LRFN2: variants seen among roughly 807,000 people sequenced by gnomAD.
LRFN2 encodes the protein leucine-rich repeat and fibronectin type-III domain-containing protein 2.
A neutral mutation model predicts 37.3 loss-of-function variants in LRFN2; 18 were observed. The ratio of observed to expected loss-of-function variants is 0.48; its 90% CI spans 0.33 to 0.72. The LOEUF is 0.72. Among genes scored for constraint, LRFN2 ranks in the 30% least tolerant of loss-of-function variants. The probability of loss-of-function intolerance (pLI) is 0.02; values close to 1 mark genes in which losing one functional copy is unlikely to be tolerated. For missense variants in LRFN2, 1,006 were observed against 1,060.7 expected (o/e 0.95, Z 0.72); for synonymous variants, 556 against 466.6 (o/e 1.19, Z -2.47).
At chr6:40,500,406 C>T (rs749391862) in intron 1 of LRFN2, among the ~76,000 whole-genome samples, 15 of 152,226 alleles carry the variant, frequency 9.9e-5, no homozygotes, top group Non-Finnish European at 2.2e-4. Flanking sequence ...CACTTCAGGC[C>T]GAGGGGCAGG....
chr6:40,484,951 T>C (rs1366563052), intron 1 of LRFN2, among the ~76,000 whole-genome samples: 4 of 151,934 alleles, frequency 2.6e-5, no homozygotes, highest in African/African-American at 9.7e-5. Flanking sequence ...GCAATGAGAG[T>C]TCAAATATAG....
intron 1 of LRFN2, among the ~76,000 whole-genome samples, chr6:40,550,641 A>G (rs1462646070): frequency 1.3e-5 from 2 of 151,508 alleles, no homozygotes; most frequent in Non-Finnish European, 3.0e-5. Flanking sequence ...TGGCTTTCCA[A>G]TTTTACTATT....
chr6:40,524,796 A>G (rs1324039190), intron 1 of LRFN2, among the ~76,000 whole-genome samples: 3 of 151,982 alleles, frequency 2.0e-5, no homozygotes, highest in Non-Finnish European at 4.4e-5. Flanking sequence ...AATAGTAACA[A>G]CTCATTCTTA....
intron 2 of LRFN2, among the ~76,000 whole-genome samples, chr6:40,398,490 C>T (rs1462165779): frequency 1.3e-5 from 2 of 151,688 alleles, no homozygotes; most frequent in African/African-American, 4.8e-5. Context: ...TTCCAGAGTG[C>T]AGGGCAAGGC....
intron 1 of LRFN2, among the ~76,000 whole-genome samples, chr6:40,546,306 C>T (rs2113919366): frequency 6.6e-6 from 1 of 152,272 alleles, no homozygotes; most frequent in African/African-American, 2.4e-5. Flanking sequence ...CTGGCATGTT[C>T]CAAAAGTTTG....
In LRFN2 at chr6:40,420,671, C is replaced by T. The variant is rs146438270; in HGVS notation, c.1400+11043G>A. ...ATTTTATCTAATGGGGAGCAACATG[C>T]GTGAACAGACAATCGCCTTCCTCAG... is the stretch of plus-strand genomic sequence containing the variant. On this transcript the variant is annotated intron_variant, in intron 2 of 2. Transcript: ENST00000338305. Among the ~76,000 whole-genome samples the T allele has an allele frequency of 1.0e-3, 158 of 152,360 alleles. 5 individuals are homozygous for T. In the East Asian group the frequency reaches 0.026, roughly 25 times the overall value.
chr6:40,516,476 A>T (rs2113893720), intron 1 of LRFN2: 1 of 152,384 alleles, frequency 6.6e-6, no homozygotes, highest in Admixed American at 6.5e-5. Context: ...GTTTTCAGCC[A>T]TCTGAAGGCA....
At chr6:40,509,662 C>G (rs764879465) in intron 1 of LRFN2, among the ~76,000 whole-genome samples, 1 of 146,950 alleles carries the variant, frequency 6.8e-6, no homozygotes. Context: ...CACAGGACTG[C>G]GCAGGCAGTG....
chr6:40,399,648 C>A (rs1332412692), intron 2 of LRFN2, among the ~76,000 whole-genome samples: 1 of 151,210 alleles, frequency 6.6e-6, no homozygotes, highest in African/African-American at 2.4e-5. Flanking sequence ...ATGTTGCCCA[C>A]GGTGGTCTTG....
At chr6:40,489,621 T>G (rs75534848) in intron 1 of LRFN2, among the ~76,000 whole-genome samples, 5,172 of 152,164 alleles carry the variant, frequency 0.034, 135 homozygotes, top group East Asian at 0.098. Context: ...AGGCAGGGCT[T>G]CCTGGGTGCT....
chr6:40,486,288 A>C (rs1188452027), intron 1 of LRFN2, among the ~76,000 whole-genome samples: 1 of 152,166 alleles, frequency 6.6e-6, no homozygotes, highest in African/African-American at 2.4e-5. Context: ...AGCAGAATCA[A>C]GTGGGAATAC....
chr6:40,397,414 A>G (rs1427641665), intron 2 of LRFN2, among the ~76,000 whole-genome samples: 2 of 152,154 alleles, frequency 1.3e-5, no homozygotes, highest in Non-Finnish European at 2.9e-5. Context: ...TGCTCCCTGA[A>G]AGTGCATTCT....
intron 1 of LRFN2, among the ~76,000 whole-genome samples, chr6:40,438,643 G>T (rs1445836929): frequency 6.6e-6 from 1 of 152,182 alleles, no homozygotes; most frequent in East Asian, 1.9e-4. Context: ...CAGAGAGACT[G>T]GCTGTCTTCA....
At chr6:40,422,431 A>C (rs1448192074) in intron 2 of LRFN2, among the ~76,000 whole-genome samples, 2 of 152,040 alleles carry the variant, frequency 1.3e-5, no homozygotes, top group Non-Finnish European at 2.9e-5. Context: ...ACCCAAGCTG[A>C]CTCAGAATCC....
intron 2 of LRFN2, among the ~76,000 whole-genome samples, chr6:40,424,375 T>C (rs2113817234): frequency 6.6e-6 from 1 of 152,316 alleles, no homozygotes; most frequent in Admixed American, 6.5e-5. Flanking sequence ...TAAAAAGTCT[T>C]TGGGGCCTTA....
chr6:40,533,529 A>T (rs897375659), intron 1 of LRFN2, among the ~76,000 whole-genome samples: 1 of 152,066 alleles, frequency 6.6e-6, no homozygotes, highest in African/African-American at 2.4e-5. Context: ...AAACCAAAAA[A>T]AAAGCTCTCC....
intron 1 of LRFN2, among the ~76,000 whole-genome samples, chr6:40,505,902 G>A (rs1055704300): frequency 6.6e-6 from 1 of 152,200 alleles, no homozygotes; most frequent in Non-Finnish European, 1.5e-5. Context: ...GATGGGCAGG[G>A]GTCTGGGGCT....
chr6:40,452,880 A>G (rs988380587), intron 1 of LRFN2, among the ~76,000 whole-genome samples: 5 of 152,342 alleles, frequency 3.3e-5, no homozygotes, highest in African/African-American at 1.2e-4. Context: ...GAGGGAGAGG[A>G]AGAGAATATA....
chr6:40,439,095 C>T (rs1763767736), intron 1 of LRFN2, among the ~76,000 whole-genome samples: 1 of 152,148 alleles, frequency 6.6e-6, no homozygotes, highest in Non-Finnish European at 1.5e-5. Context: ...CCAATCAGAA[C>T]CACCTCGAGC....
Sources: gnomAD v4.1 joint callset for allele counts (sites outside exome capture counted in the v4.1 genomes callset) on GRCh38, gnomAD v4.1.1 for gene constraint, MANE v1.5 for transcripts, NCBI Gene and HGNC (gene_info 2026-07-23, HGNC 2026-07-21) for gene names.